Variants in GPATCH1 observed in about 807,000 individuals in gnomAD.
GPATCH1 encodes the protein G-patch domain containing 1.
A neutral mutation model predicts 114.9 loss-of-function variants in GPATCH1; 73 were observed. The observed-to-expected ratio is 0.64, with a 90% CI of 0.53 to 0.77. The LOEUF is 0.77. Among genes scored for constraint, GPATCH1 ranks in the 30% least tolerant of loss-of-function variants. GPATCH1 has a pLI of 0.00. For synonymous variants in GPATCH1, 391 were observed against 428.4 expected (o/e 0.91, Z 1.08); for missense variants, 1,058 against 1,144.3 (o/e 0.92, Z 1.09).
chr19:33,113,979 G>A (rs1972888796), intron 14 of GPATCH1, 76 bp downstream of exon 14: 1 of 1,347,046 alleles, frequency 7.4e-7, no homozygotes, highest in Non-Finnish European at 1.0e-6. Context: ...GAATTAAAGG[G>A]TAGTTTAGTC....
rs376703495 is a variant in GPATCH1, at chr19:33,125,148, A to G, written c.2565A>G (p.Lys855=). The G allele has an allele frequency of 2.0e-5, 32 of 1,600,480 alleles. No individual in the cohort carries two copies. The Middle Eastern group carries it at 4.9e-4, about 25-fold the overall frequency. ...AGGTTCCTCAAAAAGAGAAACATAA[A>G]AAGAACAAAGACAAGCACAAGGCCA... The part of the protein sequence containing the change: ...TLEVPQKEKH[K]KNKDKHKAKK... The change falls in exon 18 of 20, where the codon AAA becomes AAG. Residue 855 remains lysine (K), a synonymous_variant. Coordinates refer to ENST00000170564, the MANE Select transcript of GPATCH1 (RefSeq NM_018025.3).
At position 33,119,104 on chromosome 19, in the gene GPATCH1, CGT is replaced by C. The variant is rs748029957; in HGVS notation, c.2509_2510del (p.Val837LeufsTer10). 1.6e-5 allele frequency: 26 copies of C among 1,602,466 alleles called. No homozygotes were observed. Among genetic ancestry groups the C allele is most frequent in the Non-Finnish European group, 2.1e-5 (25 of 1,171,554 alleles). On this transcript the variant is annotated frameshift_variant, in exon 17 of 20. Transcript: ENST00000170564. LOFTEE classifies it high-confidence loss of function. ...REEFGPRLPP[V>X]FCPNARQTLE... ...AAGAGTTCGGCCCGCGGCTGCCTCCCGTCTTCTGCCCCAGTGAGTGCAGAGCC... is the reference window on the plus strand; with the variant it reads ...AAGAGTTCGGCCCGCGGCTGCCTCCCCTTCTGCCCCAGTGAGTGCAGAGCC...
chr19:33,125,125 G>A lies in GPATCH1; in HGVS notation c.2542G>A (p.Val848Ile). Residue 848 changes from valine (V) to isoleucine (I), a missense_variant, in exon 18 of 20, where the codon GTT (valine) becomes ATT (isoleucine). Val to Ile is a conservative substitution (Grantham distance 29, BLOSUM62 3). This residue lies in a region of GPATCH1 where 893 missense variants were observed against 977.4 expected (regional missense o/e 0.91). Coordinates refer to ENST00000170564, the MANE Select transcript of GPATCH1 (RefSeq NM_018025.3). ...TTCAGATGCTCGTCAGACACTTGAGGTTCCTCAAAAAGAGAAACATAAAAA... is the reference window on the plus strand; with the variant it reads ...TTCAGATGCTCGTCAGACACTTGAGATTCCTCAAAAAGAGAAACATAAAAA... ...FCPNARQTLE[V>I]PQKEKHKKNK... 5 of 1,600,682 alleles carry A rather than the reference G, an allele frequency of 3.1e-6. No individual in the cohort carries two copies. The highest frequency in any genetic ancestry group is 2.3e-5 in the East Asian group (1 of 43,988).
Position 33,085,627 on chromosome 19 carries a change from T to C in GPATCH1, c.74-2507T>C, listed in dbSNP as rs541453705. On this transcript the variant is annotated intron_variant, in intron 1 of 19. Coordinates refer to ENST00000170564, the MANE Select transcript of GPATCH1 (RefSeq NM_018025.3). ...GGCATCTCTGGCTTGGAGACAGAGC[T>C]GAGATCTGGTTTCACCTTTGTGCTT... Among the ~76,000 whole-genome samples, 3 of 152,316 alleles carry C rather than the reference T, an allele frequency of 2.0e-5. No homozygotes were observed. The South Asian group carries it at 6.2e-4, about 32-fold the overall frequency.
rs2145322281 is a variant in GPATCH1, at chr19:33,106,744, T to G, written c.1130T>G (p.Phe377Cys). 6.2e-7 allele frequency: 1 copy of G among 1,614,018 alleles called. No individual in the cohort carries two copies. Among genetic ancestry groups the G allele is most frequent in the East Asian group, 2.2e-5 (1 of 44,874 alleles). The change falls in exon 10 of 20, where the codon TTC (phenylalanine) becomes TGC (cysteine). Residue 377 changes from phenylalanine (F) to cysteine (C), a missense_variant. Physicochemically the swap from Phe to Cys is radical, Grantham distance 205. Coordinates refer to ENST00000170564, the MANE Select transcript of GPATCH1 (RefSeq NM_018025.3). ...AGAGACTATCGACCAGTGCATTATTTCAGACCCATGGTGGCCGCCACCTCC... is the reference window on the plus strand; with the variant it reads ...AGAGACTATCGACCAGTGCATTATTGCAGACCCATGGTGGCCGCCACCTCC... ...LPRDYRPVHY[F>C]RPMVAATSEN...
chr19:33,127,086 T>G (rs1259209662), intron 19 of GPATCH1, among the ~76,000 whole-genome samples: 2 of 151,496 alleles, frequency 1.3e-5, no homozygotes, highest in African/African-American at 4.9e-5. Context: ...AGTGAGCCAC[T>G]ATCGTACCAC....
Position 33,126,753 on chromosome 19 carries a change from G to C in GPATCH1, c.2765+20G>C. On this transcript the variant is annotated intron_variant, in intron 19 of 19. Coordinates refer to ENST00000170564, the MANE Select transcript of GPATCH1 (RefSeq NM_018025.3). Reference sequence around the variant, plus strand: ...GAGACGGTGGGTAGTGGGAGATGGAGGGTTTTTCAGAAACCTTTAGAGGCT... The same window carrying C: ...GAGACGGTGGGTAGTGGGAGATGGACGGTTTTTCAGAAACCTTTAGAGGCT... The C allele has an allele frequency of 6.3e-7, 1 of 1,584,406 alleles. No individual in the cohort carries two copies. Among genetic ancestry groups the C allele is most frequent in the Non-Finnish European group, 8.6e-7 (1 of 1,165,104 alleles).
intron 8 of GPATCH1, among the ~76,000 whole-genome samples, chr19:33,098,513 T>C (rs1972689616): frequency 6.6e-6 from 1 of 152,178 alleles, no homozygotes. Flanking sequence ...GGCCAGACAG[T>C]GTAGAGTCGG....
At position 33,118,407 on chromosome 19, in the gene GPATCH1, G is replaced by C. The variant is rs564678502; in HGVS notation, c.2413+366G>C. On this transcript the variant is annotated intron_variant, in intron 16 of 19. Coordinates refer to ENST00000170564, the MANE Select transcript of GPATCH1 (RefSeq NM_018025.3). ...TTGGCCAGGCTAGTCTCTAACTCCTGACCTCAGGTGATCTGCCCACCTCAG... is the reference window on the plus strand; with the variant it reads ...TTGGCCAGGCTAGTCTCTAACTCCTCACCTCAGGTGATCTGCCCACCTCAG... Among the ~76,000 whole-genome samples, 5 of 151,946 alleles carry C rather than the reference G, an allele frequency of 3.3e-5. No individual in the cohort carries two copies. In the East Asian group the frequency reaches 7.7e-4, roughly 24 times the overall value.
At chr19:33,098,056 A>C (rs1485982448) in intron 8 of GPATCH1, among the ~76,000 whole-genome samples, 154 bp downstream of exon 8, 1 of 152,230 alleles carries the variant, frequency 6.6e-6, no homozygotes, top group Non-Finnish European at 1.5e-5. Context: ...ATGGGAAGTG[A>C]AACAAATGCA....
intron 19 of GPATCH1, among the ~76,000 whole-genome samples, chr19:33,129,050 A>C (rs1973074163): frequency 6.6e-6 from 1 of 151,776 alleles, no homozygotes; most frequent in African/African-American, 2.4e-5. Context: ...AATCGAGACT[A>C]TCCTGGTTAA....
chr19:33,111,967 G>A lies in GPATCH1; in HGVS notation c.1764+65G>A, dbSNP rs144563518. ...ATTAAAGCACTGCCTAGCCAAAATA[G>A]TTTTTTCCTTTTTTTTGAGACGGAG... On this transcript the variant is annotated intron_variant, in intron 12 of 19. Coordinates refer to ENST00000170564, the MANE Select transcript of GPATCH1 (RefSeq NM_018025.3). The A allele has an allele frequency of 6.5e-4, 854 of 1,311,964 alleles. 7 individuals carry two copies. In the African/African-American group the frequency reaches 0.012, roughly 18 times the overall value. The allele number at this position is 1,311,964 out of a possible 1,614,324, so 81.3% of individuals were successfully genotyped here.
At chr19:33,106,496 C>T (rs777967162) in intron 9 of GPATCH1, among the ~76,000 whole-genome samples, 199 bp from the exon 10 acceptor site, 23 of 152,086 alleles carry the variant, frequency 1.5e-4, no homozygotes, top group Non-Finnish European at 2.5e-4. Context: ...CACTGGAACA[C>T]GGTGGCTCTT....
chr19:33,095,753 CTT>C lies in GPATCH1; in HGVS notation c.554-6_554-5del. ...CTCATGACTATTGCATTTGAAATCTCTTTTCTAGATCCTGGAGTCAAAATCTA... is the reference window on the plus strand; with the variant it reads ...CTCATGACTATTGCATTTGAAATCTCTTCTAGATCCTGGAGTCAAAATCTA... On this transcript the variant is annotated splice_region_variant and splice_polypyrimidine_tract_variant and intron_variant, in intron 5 of 19. Coordinates refer to ENST00000170564, the MANE Select transcript of GPATCH1 (RefSeq NM_018025.3). The C allele has an allele frequency of 6.2e-7, 1 of 1,603,760 alleles. No individual in the cohort carries two copies. Among genetic ancestry groups the C allele is most frequent in the Non-Finnish European group, 8.5e-7 (1 of 1,170,824 alleles).
intron 4 of GPATCH1, 94 bp from the exon 5 acceptor site, chr19:33,094,078 C>A: frequency 1.4e-6 from 1 of 737,954 alleles, no homozygotes; most frequent in Non-Finnish European, 2.4e-6. Context: ...GCAAGACAGG[C>A]CTAGGAACTG....
At position 33,085,396 on chromosome 19, in the gene GPATCH1, T is replaced by C. The variant is rs539728949; in HGVS notation, c.74-2738T>C. On this transcript the variant is annotated intron_variant, in intron 1 of 19. Transcript: ENST00000170564. ...CACCATGCCCGGCTAATTTTAAACA[T>C]TGCGTCACTATGTTGCCCAGGTTTG... Among the ~76,000 whole-genome samples, 19 of 152,172 alleles carry C rather than the reference T, an allele frequency of 1.2e-4. No homozygotes were observed. The East Asian group carries it at 3.5e-3, about 28-fold the overall frequency.
At chr19:33,100,930 C>T (rs1044382180) in intron 8 of GPATCH1, among the ~76,000 whole-genome samples, 2 of 152,098 alleles carry the variant, frequency 1.3e-5, no homozygotes, top group African/African-American at 4.8e-5. Context: ...AGAAGACGAT[C>T]CCCACCTCCA....
chr19:33,083,631 G>A (rs1972504308), intron 1 of GPATCH1, among the ~76,000 whole-genome samples: 1 of 152,154 alleles, frequency 6.6e-6, no homozygotes, highest in South Asian at 2.1e-4. Flanking sequence ...CTTAGGTCAA[G>A]CAATCCATCT....
intron 5 of GPATCH1, 133 bp downstream of exon 5, chr19:33,094,402 C>T: frequency 1.7e-6 from 1 of 598,846 alleles, no homozygotes; most frequent in South Asian, 2.0e-5. Flanking sequence ...CCTTGACCTC[C>T]CGGGCTCAAG....
Sources: gnomAD v4.1 joint callset for allele counts (sites outside exome capture counted in the v4.1 genomes callset) on GRCh38, gnomAD v4.1.1 for gene constraint, gnomAD v4.1.1 regional missense constraint, MANE v1.5 for transcripts, NCBI Gene and HGNC (gene_info 2026-07-23, HGNC 2026-07-21) for gene names.